The following SNX2 variants were observed in gnomAD, a reference collection of about 807,000 sequenced individuals.
The protein encoded by SNX2 is sorting nexin 2, also known as sorting nexin-2.
In SNX2, 25 loss-of-function variants were observed where a neutral mutation model predicts 69.9. The ratio of observed to expected loss-of-function variants is 0.36; its 90% CI spans 0.26 to 0.50. The LOEUF is 0.50. SNX2 is among the 20% of genes least tolerant of loss of function. SNX2 has a pLI of 0.97. For missense variants in SNX2, 551 were observed against 613.3 expected (o/e 0.90, Z 1.07); for synonymous variants, 229 against 200.4 (o/e 1.14, Z -1.20).
chr5:122,816,827 G>GA, intron 8 of SNX2, 88 bp from the exon 9 acceptor site: 1 of 572,192 alleles, frequency 1.7e-6, no homozygotes, highest in Non-Finnish European at 3.1e-6. Context: ...TGGGGGGGAG[G>GA]GGGGAGGAGG....
In SNX2 at chr5:122,833,577, C is replaced by G. The variant is rs185009460; in HGVS notation, c.*3929C>G. ...CCATTCAGACCGGCTACAATTTGAT[C>G]AGTTGTCACATGTGGATGACTAGTG... On this transcript the variant is annotated 3_prime_UTR_variant, in exon 15 of 15. Coordinates refer to ENST00000379516, the MANE Select transcript of SNX2 (RefSeq NM_003100.4). The G allele has an allele frequency of 6.6e-6, 1 of 152,166 alleles. No individual in the cohort carries two copies. The highest frequency in any genetic ancestry group is 1.5e-5 in the Non-Finnish European group (1 of 68,036). 9.4% of individuals were successfully genotyped at this position (152,166 alleles called of 1,614,324 possible).
At chr5:122,806,144 A>ACGCGCG (rs1411962572) in intron 6 of SNX2, among the ~76,000 whole-genome samples, 41 of 8,934 alleles carry the variant, frequency 4.6e-3, no homozygotes, top group Non-Finnish European at 9.5e-3. Context: ...ACGCGCGCGC[A>ACGCGCG]CACACACACA....
At chr5:122,789,474 G>GACATAC (rs1554061842) in intron 1 of SNX2, among the ~76,000 whole-genome samples, 8 of 144,608 alleles carry the variant, frequency 5.5e-5, no homozygotes, top group African/African-American at 2.0e-4. Context: ...GACACACACG[G>GACATAC]ACACACACAC....
At chr5:122,813,565 C>A (rs1197864498) in intron 7 of SNX2, among the ~76,000 whole-genome samples, 1 of 151,848 alleles carries the variant, frequency 6.6e-6, no homozygotes, top group African/African-American at 2.4e-5. Flanking sequence ...GGAGTTCTCA[C>A]AACACTTAAT....
chr5:122,824,058 T>C (rs1411902110), intron 11 of SNX2, among the ~76,000 whole-genome samples: 2 of 151,812 alleles, frequency 1.3e-5, no homozygotes, highest in Non-Finnish European at 2.9e-5. Context: ...ATAAATTAGC[T>C]GGGCATGGTG....
At chr5:122,789,442 TACACACACAC>T (rs34588472) in intron 1 of SNX2, among the ~76,000 whole-genome samples, 1 of 141,554 alleles carries the variant, frequency 7.1e-6, no homozygotes, top group Non-Finnish European at 1.5e-5. Context: ...CACACACACA[TACACACACAC>T]ACACACACAC....
chr5:122,775,014 G>A, upstream of SNX2: 3 of 1,267,964 alleles, frequency 2.4e-6, no homozygotes, highest in Non-Finnish European at 3.1e-6. Flanking sequence ...CGGGGGCGGG[G>A]AGGCTGGCGG....
chr5:122,810,783 GA>G (rs1213882214), intron 7 of SNX2, among the ~76,000 whole-genome samples: 1 of 151,766 alleles, frequency 6.6e-6, no homozygotes, highest in African/African-American at 2.4e-5. Context: ...TTGCAATAGT[GA>G]AAAAAAGAAA....
Position 122,832,458 on chromosome 5 carries a change from A to C in SNX2, c.*2810A>C, listed in dbSNP as rs1016559971. 2 of 152,172 alleles carry C rather than the reference A, an allele frequency of 1.3e-5. No individual in the cohort carries two copies. Among genetic ancestry groups the C allele is most frequent in the African/African-American group, 4.8e-5 (2 of 41,436 alleles). The allele number at this position is 152,172 out of a possible 1,614,324, so 9.4% of individuals were successfully genotyped here. Reference sequence around the variant, plus strand: ...TTTCCTTGATTGTATTTTCTACTGAACTATTTTCAAGTATTCAGCTTTATA... The same window carrying C: ...TTTCCTTGATTGTATTTTCTACTGACCTATTTTCAAGTATTCAGCTTTATA... On this transcript the variant is annotated 3_prime_UTR_variant, in exon 15 of 15. Coordinates refer to ENST00000379516, the MANE Select transcript of SNX2 (RefSeq NM_003100.4).
chr5:122,798,785 C>T (rs1753443366), intron 2 of SNX2, among the ~76,000 whole-genome samples: 1 of 152,130 alleles, frequency 6.6e-6, no homozygotes, highest in South Asian at 2.1e-4. Flanking sequence ...CCATTTCAGT[C>T]TTCTCAGATC....
chr5:122,819,113 T>G, intron 11 of SNX2, 90 bp downstream of exon 11: 1 of 981,274 alleles, frequency 1.0e-6, no homozygotes, highest in East Asian at 2.6e-5. Flanking sequence ...ATGTCTAAAT[T>G]CCTCCTATAC....
chr5:122,790,522 A>G (rs1442540212), intron 1 of SNX2, among the ~76,000 whole-genome samples: 3 of 152,022 alleles, frequency 2.0e-5, no homozygotes, highest in Admixed American at 6.6e-5. Context: ...CTGACAACCC[A>G]TTTTTCCCAA....
Position 122,800,400 on chromosome 5 carries a change from T to C in SNX2, c.390+545T>C, listed in dbSNP as rs145807638. ...AATATGTCGTTAAAATGACCATGAT[T>C]AAGTAACAACCACATAAAAAATATA... On this transcript the variant is annotated intron_variant, in intron 3 of 14. Transcript: ENST00000379516. Among the ~76,000 whole-genome samples, 8 of 152,320 alleles carry C rather than the reference T, an allele frequency of 5.3e-5. No homozygotes were observed. In the East Asian group the frequency reaches 1.5e-3, roughly 29 times the overall value.
chr5:122,784,211 C>T lies in SNX2; in HGVS notation c.108+9000C>T, dbSNP rs533673174. Among the ~76,000 whole-genome samples the T allele has an allele frequency of 2.8e-3, 397 of 143,720 alleles. 1 individual carries two copies. Among genetic ancestry groups the T allele is most frequent in the African/African-American group, 9.7e-3 (383 of 39,634 alleles). The allele number at this position is 143,720 out of a possible 152,430, so 94.3% of individuals were successfully genotyped here. ...TATTTCCTTCTCTCAGTCTTTATACCTTTTTTTTTTTTCTCTTGTCCTAAT... is the reference window on the plus strand; with the variant it reads ...TATTTCCTTCTCTCAGTCTTTATACTTTTTTTTTTTTTCTCTTGTCCTAAT... On this transcript the variant is annotated intron_variant, in intron 1 of 14. Transcript: ENST00000379516.
intron 1 of SNX2, among the ~76,000 whole-genome samples, chr5:122,783,189 C>T (rs1439387967): frequency 6.6e-6 from 1 of 151,972 alleles, no homozygotes; most frequent in Non-Finnish European, 1.5e-5. Flanking sequence ...TCGTGATCCA[C>T]CCATCTCGGC....
At chr5:122,789,378 C>T (rs1169162998) in intron 1 of SNX2, among the ~76,000 whole-genome samples, 9 of 151,956 alleles carry the variant, frequency 5.9e-5, no homozygotes, top group African/African-American at 2.2e-4. Context: ...AGTTTTTTCT[C>T]TGGGATTTTC....
chr5:122,814,436 C>T (rs896084793), intron 7 of SNX2, among the ~76,000 whole-genome samples: 13 of 152,212 alleles, frequency 8.5e-5, no homozygotes, highest in Non-Finnish European at 1.6e-4. Context: ...AGTATAATGA[C>T]TTCTTATGTG....
At chr5:122,789,758 C>G (rs1397713921) in intron 1 of SNX2, among the ~76,000 whole-genome samples, 1 of 152,204 alleles carries the variant, frequency 6.6e-6, no homozygotes, top group Non-Finnish European at 1.5e-5. Flanking sequence ...TTGCACAGGT[C>G]TGTGACTGAG....
intron 14 of SNX2, among the ~76,000 whole-genome samples, chr5:122,829,194 TG>T (rs2150019439): frequency 7.9e-6 from 1 of 126,812 alleles, no homozygotes; most frequent in African/African-American, 3.2e-5. Flanking sequence ...TTTTTAATGT[TG>T]TTTTTGTTTG....
Sources: allele counts gnomAD v4.1 joint callset (sites outside exome capture counted in the v4.1 genomes callset), GRCh38; gene constraint gnomAD v4.1.1; transcripts MANE v1.5; gene names NCBI Gene and HGNC (gene_info 2026-07-23, HGNC 2026-07-21).